SEC14L1: variants seen among roughly 807,000 people sequenced by gnomAD.
The protein encoded by SEC14L1 is SEC14 like lipid binding 1, also known as SEC14-like protein 1.
In SEC14L1, 48 loss-of-function variants were observed where a neutral mutation model predicts 85.3. The observed-to-expected ratio is 0.56, with a 90% confidence interval of 0.45 to 0.72. SEC14L1 has a LOEUF of 0.72. SEC14L1 is among the 30% of genes least tolerant of loss of function. SEC14L1 has a pLI of 0.00. For missense variants in SEC14L1, 682 were observed against 921.4 expected (o/e 0.74, Z 3.36); for synonymous variants, 391 against 355.5 (o/e 1.10, Z -1.12).
intron 3 of SEC14L1, among the ~76,000 whole-genome samples, chr17:77,114,056 G>T (rs1384731413): frequency 6.6e-6 from 1 of 152,178 alleles, no homozygotes; most frequent in Non-Finnish European, 1.5e-5. Flanking sequence ...CTAAATGCGG[G>T]TGCAAATAAA....
intron 3 of SEC14L1, among the ~76,000 whole-genome samples, chr17:77,158,499 C>T (rs1973906917): frequency 6.6e-6 from 1 of 152,152 alleles, no homozygotes; most frequent in Non-Finnish European, 1.5e-5. Context: ...AAGGTTCACC[C>T]ATGTTGTAGC....
intron 3 of SEC14L1, among the ~76,000 whole-genome samples, chr17:77,121,653 G>A (rs181937433): frequency 4.6e-5 from 7 of 152,122 alleles, no homozygotes; most frequent in African/African-American, 7.2e-5. Context: ...CACCGCACCC[G>A]GCCCATGTGC....
intron 3 of SEC14L1, among the ~76,000 whole-genome samples, chr17:77,107,069 A>G (rs1310466113): frequency 6.6e-6 from 1 of 152,214 alleles, no homozygotes; most frequent in Non-Finnish European, 1.5e-5. Context: ...TAAGTACTGG[A>G]GAGAAGCAGC....
intron 2 of SEC14L1, among the ~76,000 whole-genome samples, chr17:77,092,951 CAA>C (rs35244244): frequency 0.026 from 2,232 of 84,512 alleles, 32 homozygotes; most frequent in African/African-American, 0.082. Context: ...AACTCCGTCT[CAA>C]AAAAAAAAAA....
chr17:77,133,153 A>G (rs1972664046), intron 3 of SEC14L1, among the ~76,000 whole-genome samples: 2 of 152,048 alleles, frequency 1.3e-5, no homozygotes, highest in Admixed American at 6.5e-5. Flanking sequence ...GATTACAGGC[A>G]TGAGCCACTG....
intron 3 of SEC14L1, among the ~76,000 whole-genome samples, chr17:77,188,620 T>C (rs1975380781): frequency 6.6e-6 from 1 of 152,166 alleles, no homozygotes; most frequent in South Asian, 2.1e-4. Flanking sequence ...ATATGGGGTT[T>C]TGTGCGAACA....
intron 3 of SEC14L1, among the ~76,000 whole-genome samples, chr17:77,127,368 G>A (rs928157989): frequency 6.6e-6 from 1 of 151,638 alleles, no homozygotes; most frequent in Admixed American, 6.6e-5. Context: ...TTCTTTTTTT[G>A]AGATGGAGTC....
chr17:77,128,158 T>C (rs1009845227), intron 3 of SEC14L1: 6 of 152,194 alleles, frequency 3.9e-5, no homozygotes, highest in African/African-American at 1.4e-4. Context: ...TTCAGAGCCG[T>C]ACCTTGTATA....
At chr17:77,108,563 C>G (rs1035694041) in intron 3 of SEC14L1, among the ~76,000 whole-genome samples, 1 of 151,850 alleles carries the variant, frequency 6.6e-6, no homozygotes, top group East Asian at 1.9e-4. Context: ...ATGGCGAAAC[C>G]CTGTCTCTAC....
chr17:77,097,002 A>G (rs939774873), intron 3 of SEC14L1, among the ~76,000 whole-genome samples: 1 of 152,194 alleles, frequency 6.6e-6, no homozygotes, highest in Non-Finnish European at 1.5e-5. Flanking sequence ...TTATCATGTC[A>G]GGAACCAAGC....
chr17:77,206,108 TA>T lies in SEC14L1; in HGVS notation c.1170-114del, dbSNP rs1229969618. On this transcript the variant is annotated intron_variant, in intron 11 of 16. Coordinates refer to ENST00000436233, the MANE Select transcript of SEC14L1 (RefSeq NM_001143998.2). The surrounding 1 kb of genome is among the most constrained non-coding windows in gnomAD (Gnocchi z 4.3). ...TAGCACTATACATAGCACTATAATTTAAAAAAATTGATTATGATGTATTTGG... is the reference window on the plus strand; with the variant it reads ...TAGCACTATACATAGCACTATAATTTAAAAAATTGATTATGATGTATTTGG... 1.2e-5 allele frequency: 12 copies of T among 971,826 alleles called. No individual in the cohort carries two copies. Among genetic ancestry groups the T allele is most frequent in the Admixed American group, 2.6e-5 (1 of 38,660 alleles). The allele number at this position is 971,826 out of a possible 1,614,324, so 60.2% of individuals were successfully genotyped here. A position where few individuals can be genotyped will look rare whatever the true frequency, so the allele number is the denominator to read the frequency against.
chr17:77,126,651 C>T (rs907532384), intron 3 of SEC14L1, among the ~76,000 whole-genome samples: 4 of 152,234 alleles, frequency 2.6e-5, no homozygotes, highest in African/African-American at 9.6e-5. Context: ...AAGCTCTTCT[C>T]CAGGTGCACG....
intron 3 of SEC14L1, among the ~76,000 whole-genome samples, chr17:77,107,226 A>G (rs1567871534): frequency 1.3e-5 from 2 of 152,156 alleles, no homozygotes; most frequent in Admixed American, 6.6e-5. Context: ...AGCCCACGCC[A>G]GGCTCCGGGC....
intron 3 of SEC14L1, among the ~76,000 whole-genome samples, chr17:77,097,032 A>G (rs558592407): frequency 1.3e-5 from 2 of 152,302 alleles, no homozygotes; most frequent in South Asian, 4.1e-4. Flanking sequence ...GCACGTGGAG[A>G]TAAGAGCGTG....
chr17:77,159,256 G>A (rs187970709), intron 3 of SEC14L1, among the ~76,000 whole-genome samples: 2 of 151,746 alleles, frequency 1.3e-5, no homozygotes, highest in East Asian at 3.9e-4. Context: ...TAGTAGAGAT[G>A]GGGGTTCGCC....
chr17:77,203,520 A>G (rs1567931348), intron 9 of SEC14L1, 50 bp from the exon 10 acceptor site: 2 of 1,475,514 alleles, frequency 1.4e-6, no homozygotes, highest in Non-Finnish European at 1.9e-6. Context: ...TTGTATCCTC[A>G]GTTTCAACTG....
chr17:77,107,781 G>A (rs1419191642), intron 3 of SEC14L1, among the ~76,000 whole-genome samples: 1 of 152,200 alleles, frequency 6.6e-6, no homozygotes. Flanking sequence ...TGACGGCTGA[G>A]TTGGTTTTCA....
At chr17:77,200,443 A>G (rs768114731) in intron 8 of SEC14L1, 41 bp from the exon 9 acceptor site, 8 of 1,572,060 alleles carry the variant, frequency 5.1e-6, no homozygotes, top group Non-Finnish European at 7.0e-6. Flanking sequence ...TTCCCTTCAC[A>G]ACTTTTAACA....
At chr17:77,128,886 C>T (rs1224435024) in intron 3 of SEC14L1, among the ~76,000 whole-genome samples, 1 of 152,142 alleles carries the variant, frequency 6.6e-6, no homozygotes, top group Non-Finnish European at 1.5e-5. Context: ...GCTTATGTAG[C>T]TCATAATTAT....
Sources: allele counts gnomAD v4.1 joint callset (sites outside exome capture counted in the v4.1 genomes callset), GRCh38; gene constraint gnomAD v4.1.1; non-coding constraint Gnocchi (gnomAD v3.1); transcripts MANE v1.5; gene names NCBI Gene and HGNC (gene_info 2026-07-23, HGNC 2026-07-21).